The following MTX2 variants were observed in gnomAD, a reference collection of about 807,000 sequenced individuals.
MTX2 encodes metaxin 2, also known as metaxin-2.
Under a neutral mutation model 42.3 loss-of-function variants are expected in MTX2, and 35 were observed. The observed-to-expected ratio is 0.83, with a 90% CI of 0.63 to 1.10. The LOEUF is 1.10. MTX2 is among the 50% of genes least tolerant of loss of function. The probability of loss-of-function intolerance (pLI) is 0.00; values close to 1 mark genes in which losing one functional copy is unlikely to be tolerated. For missense variants in MTX2, 307 were observed against 304.1 expected (o/e 1.01, Z -0.07); for synonymous variants, 119 against 100.9 (o/e 1.18, Z -1.08).
intron 3 of MTX2, among the ~76,000 whole-genome samples, chr2:176,320,434 GA>G (rs994672531): frequency 6.6e-6 from 1 of 152,060 alleles, no homozygotes; most frequent in Non-Finnish European, 1.5e-5. Flanking sequence ...AGGCCTTTGA[GA>G]AGATATATTA....
chr2:176,300,108 C>T (rs150292565), intron 3 of MTX2, among the ~76,000 whole-genome samples: 1 of 151,034 alleles, frequency 6.6e-6, no homozygotes, highest in Non-Finnish European at 1.5e-5. Context: ...TGTATATATG[C>T]AGTATTATAC....
At chr2:176,327,545 T>C (rs1244244056) in intron 5 of MTX2, among the ~76,000 whole-genome samples, 1 of 149,536 alleles carries the variant, frequency 6.7e-6, no homozygotes, top group Non-Finnish European at 1.5e-5. Flanking sequence ...ATTGGAGATA[T>C]ATATATATCT....
intron 1 of MTX2, among the ~76,000 whole-genome samples, chr2:176,288,740 CTAT>C (rs367683214): frequency 2.0e-4 from 30 of 151,754 alleles, no homozygotes; most frequent in African/African-American, 7.2e-4. Context: ...ATATTAGTGC[CTAT>C]TATTCTGGAA....
In MTX2 at chr2:176,329,068, T is replaced by A. The variant is rs944072335; in HGVS notation, c.417+156T>A. Among the ~76,000 whole-genome samples, 5 of 151,326 alleles carry A rather than the reference T, an allele frequency of 3.3e-5. No individual in the cohort carries two copies. The South Asian group carries it at 1.0e-3, about 31-fold the overall frequency. ...TTAATTTTGCTTGCACATAACATTT[T>A]AGGGAAGCTATGTGTCATTGTTTGA... On this transcript the variant is annotated intron_variant, in intron 7 of 9. Transcript: ENST00000249442.
In MTX2 at chr2:176,269,494, G is replaced by C; in HGVS notation, c.-136G>C. On this transcript the variant is annotated 5_prime_UTR_variant, in exon 1 of 10. Coordinates refer to ENST00000249442, the MANE Select transcript of MTX2 (RefSeq NM_006554.5). ...TGGGGGCCTCACTGCAGCCGCCGCT[G>C]CTGTTGGAGTGGGCTTTGCGAGTCT... 1.0e-6 allele frequency: 1 copy of C among 967,544 alleles called. No individual in the cohort carries two copies. The highest frequency in any genetic ancestry group is 1.8e-5 in the South Asian group (1 of 55,630). The allele number at this position is 967,544 out of a possible 1,614,324, so 59.9% of individuals were successfully genotyped here.
intron 9 of MTX2, among the ~76,000 whole-genome samples, chr2:176,332,746 C>T (rs994333570): frequency 4.6e-5 from 7 of 151,184 alleles, no homozygotes; most frequent in African/African-American, 9.7e-5. Context: ...GAAAAGATAA[C>T]GTAGATTATT....
At chr2:176,297,058 G>A (rs1683905292) in intron 2 of MTX2, 151 bp downstream of exon 2, 5 of 820,046 alleles carry the variant, frequency 6.1e-6, no homozygotes, top group South Asian at 5.2e-5. Flanking sequence ...ACCTGAACTT[G>A]TATCTGCCAG....
intron 1 of MTX2, among the ~76,000 whole-genome samples, chr2:176,290,946 C>G (rs971929753): frequency 6.6e-6 from 1 of 152,072 alleles, no homozygotes; most frequent in Non-Finnish European, 1.5e-5. Flanking sequence ...TGCTGTATCA[C>G]TCCTCAGTTC....
chr2:176,301,123 A>G (rs1364595434), intron 3 of MTX2, among the ~76,000 whole-genome samples: 4 of 152,304 alleles, frequency 2.6e-5, no homozygotes, highest in South Asian at 2.1e-4. Flanking sequence ...TTTAATGCAA[A>G]CAAAATTTTA....
At chr2:176,311,348 A>G (rs1684299097) in intron 3 of MTX2, among the ~76,000 whole-genome samples, 1 of 152,180 alleles carries the variant, frequency 6.6e-6, no homozygotes, top group Admixed American at 6.5e-5. Flanking sequence ...GAGTTAGGCT[A>G]CACGGGGGTC....
chr2:176,328,956 A>T (rs1236874376), intron 7 of MTX2, 44 bp downstream of exon 7: 1 of 1,520,282 alleles, frequency 6.6e-7, no homozygotes, highest in African/African-American at 1.4e-5. Context: ...ATTTAATGAG[A>T]AAACACTTTT....
rs1359316118 is a variant in MTX2, at chr2:176,329,404, G to A, written c.521G>A (p.Trp174Ter). 3.7e-6 allele frequency: 6 copies of A among 1,606,720 alleles called. No individual in the cohort carries two copies. Among genetic ancestry groups the A allele is most frequent in the Non-Finnish European group, 5.1e-6 (6 of 1,175,150 alleles). The change falls in exon 8 of 10, where the codon TGG becomes TAG. Residue 174 changes from tryptophan (W) to a stop codon, truncating the protein, a stop_gained. Coordinates refer to ENST00000249442, the MANE Select transcript of MTX2 (RefSeq NM_006554.5). LOFTEE classifies it high-confidence loss of function. ...EVKRKMKAIG[W>*]GKKTLDQVLE... Reference sequence around the variant, plus strand: ...AAACGTAAGATGAAAGCTATTGGATGGGGAAAGAAGACTCTGGACCAGGTC... The same window carrying A: ...AAACGTAAGATGAAAGCTATTGGATAGGGAAAGAAGACTCTGGACCAGGTC...
chr2:176,279,676 A>G (rs1287999709), intron 1 of MTX2, among the ~76,000 whole-genome samples: 1 of 152,118 alleles, frequency 6.6e-6, no homozygotes, highest in African/African-American at 2.4e-5. Context: ...CAGGAGAACT[A>G]GTTACATAAT....
chr2:176,296,009 G>A (rs1453387407), intron 1 of MTX2, among the ~76,000 whole-genome samples: 1 of 152,168 alleles, frequency 6.6e-6, no homozygotes, highest in East Asian at 1.9e-4. Flanking sequence ...AATCCAGCAA[G>A]TGATATCCTG....
At chr2:176,330,300 T>C (rs1017415213) in intron 8 of MTX2, among the ~76,000 whole-genome samples, 3 of 150,270 alleles carry the variant, frequency 2.0e-5, no homozygotes, top group African/African-American at 7.3e-5. Flanking sequence ...GGACATTCAC[T>C]GAGAATTTCT....
At chr2:176,321,969 G>A (rs1316492731) in intron 3 of MTX2, among the ~76,000 whole-genome samples, 1 of 151,790 alleles carries the variant, frequency 6.6e-6, no homozygotes, top group Admixed American at 6.6e-5. Flanking sequence ...GGAGATTGGG[G>A]GAAGGAGAAC....
intron 3 of MTX2, among the ~76,000 whole-genome samples, chr2:176,305,941 T>C (rs1157169055): frequency 6.6e-6 from 1 of 152,178 alleles, no homozygotes; most frequent in African/African-American, 2.4e-5. Flanking sequence ...TACTTTAAGT[T>C]CTAGGGTACA....
intron 1 of MTX2, among the ~76,000 whole-genome samples, chr2:176,277,321 G>A (rs1692971936): frequency 1.3e-5 from 2 of 152,184 alleles, no homozygotes; most frequent in African/African-American, 2.4e-5. Context: ...GAAAATGATG[G>A]TAAAGGCTTG....
intron 1 of MTX2, among the ~76,000 whole-genome samples, chr2:176,272,199 T>C (rs547953787): frequency 2.6e-5 from 4 of 152,198 alleles, no homozygotes; most frequent in African/African-American, 9.6e-5. Context: ...TCTAAGAAAG[T>C]TGATCTCCTA....
Sources: gnomAD v4.1 joint callset for allele counts (sites outside exome capture counted in the v4.1 genomes callset) on GRCh38, gnomAD v4.1.1 for gene constraint, MANE v1.5 for transcripts, NCBI Gene and HGNC (gene_info 2026-07-23, HGNC 2026-07-21) for gene names.